Variants in KHDRBS3 observed in about 807,000 individuals in gnomAD.
KHDRBS3 encodes KH domain-containing, RNA-binding, signal transduction-associated protein 3.
KHDRBS3 carries 23 observed loss-of-function variants against 45.6 expected under a neutral mutation model. The ratio of observed to expected loss-of-function variants is 0.50; its 90% CI spans 0.36 to 0.72. KHDRBS3 has a LOEUF of 0.72. Ranked by LOEUF, KHDRBS3 falls within the 30% of genes least tolerant of loss-of-function variation. The pLI, the probability that KHDRBS3 is intolerant of heterozygous loss-of-function variation, is 0.00. For missense variants in KHDRBS3, 352 were observed against 424.8 expected, an observed-to-expected ratio of 0.83 and a Z score of 1.51; for synonymous variants, 162 against 156.5, an observed-to-expected ratio of 1.04 and a Z score of -0.26.
chr8:135,562,207 T>C (rs531489714), intron 5 of KHDRBS3, among the ~76,000 whole-genome samples: 2 of 152,326 alleles, frequency 1.3e-5, no homozygotes, highest in South Asian at 4.1e-4. Flanking sequence ...AAGTGCCCTA[T>C]CTAGGTTTAC....
intron 6 of KHDRBS3, among the ~76,000 whole-genome samples, chr8:135,602,219 C>T (rs1829247654): frequency 6.6e-6 from 1 of 152,190 alleles, no homozygotes; most frequent in Admixed American, 6.5e-5. Flanking sequence ...CACTGATTTG[C>T]AGTCACACTC....
chr8:135,624,528 C>T (rs1017965312), intron 7 of KHDRBS3, among the ~76,000 whole-genome samples: 2 of 152,196 alleles, frequency 1.3e-5, no homozygotes, highest in Non-Finnish European at 2.9e-5. Flanking sequence ...TAAAACACAT[C>T]CTCTGTTATA....
chr8:135,461,346 G>T (rs961738373), intron 1 of KHDRBS3, among the ~76,000 whole-genome samples: 5 of 152,036 alleles, frequency 3.3e-5, no homozygotes, highest in African/African-American at 1.2e-4. Flanking sequence ...CTCGTGATCT[G>T]CCTGCCTCAG....
chr8:135,539,170 G>A (rs919756591), intron 2 of KHDRBS3: 1 of 152,248 alleles, frequency 6.6e-6, no homozygotes, highest in African/African-American at 2.4e-5. Flanking sequence ...TTGCCCCTGA[G>A]TCCCAGTAGT....
At chr8:135,530,844 A>G (rs1178086698) in intron 2 of KHDRBS3, among the ~76,000 whole-genome samples, 1 of 152,160 alleles carries the variant, frequency 6.6e-6, no homozygotes, top group African/African-American at 2.4e-5. Context: ...TTTACTTTCT[A>G]AATTATCATC....
chr8:135,478,067 C>T (rs1822383214), intron 1 of KHDRBS3, among the ~76,000 whole-genome samples: 2 of 152,138 alleles, frequency 1.3e-5, no homozygotes, highest in South Asian at 4.1e-4. Context: ...AGGTTGCATG[C>T]TCCTTATAAG....
chr8:135,649,810 T>C (rs995932380), downstream of KHDRBS3, among the ~76,000 whole-genome samples: 1 of 152,206 alleles, frequency 6.6e-6, no homozygotes, highest in Non-Finnish European at 1.5e-5. Context: ...CAGGAAATAC[T>C]GTACAATTTT....
chr8:135,529,386 A>G (rs1338354172), intron 2 of KHDRBS3, among the ~76,000 whole-genome samples: 1 of 152,218 alleles, frequency 6.6e-6, no homozygotes, highest in Non-Finnish European at 1.5e-5. Context: ...AGCATTTCAG[A>G]TGTATTGTGG....
At chr8:135,602,048 A>G (rs1019503880) in intron 6 of KHDRBS3, among the ~76,000 whole-genome samples, 1 of 151,788 alleles carries the variant, frequency 6.6e-6, no homozygotes, top group Non-Finnish European at 1.5e-5. Context: ...CAGCTCCACT[A>G]CTCTCTCCTT....
intron 1 of KHDRBS3, among the ~76,000 whole-genome samples, chr8:135,501,296 C>T (rs1301710898): frequency 1.3e-5 from 2 of 152,156 alleles, no homozygotes; most frequent in African/African-American, 4.8e-5. Flanking sequence ...CAGTTGGTGA[C>T]CCTTCAGCGT....
intron 3 of KHDRBS3, among the ~76,000 whole-genome samples, chr8:135,547,634 G>A (rs1363659110): frequency 6.6e-6 from 1 of 152,168 alleles, no homozygotes; most frequent in Non-Finnish European, 1.5e-5. Context: ...GTGAAGTCAA[G>A]GGCTATGTGC....
chr8:135,458,782 G>A (rs11782807), intron 1 of KHDRBS3: 2 of 447,002 alleles, frequency 4.5e-6, no homozygotes, highest in African/African-American at 2.0e-5. Flanking sequence ...AGCCAGCTCA[G>A]GGTGTGAAAG....
chr8:135,528,527 G>C (rs1307001762), intron 2 of KHDRBS3, among the ~76,000 whole-genome samples: 1 of 152,110 alleles, frequency 6.6e-6, no homozygotes, highest in African/African-American at 2.4e-5. Flanking sequence ...ATGTGAAAAT[G>C]ATTTTTGATG....
chr8:135,575,036 A>G (rs1351479595), intron 5 of KHDRBS3, among the ~76,000 whole-genome samples: 1 of 152,154 alleles, frequency 6.6e-6, no homozygotes, highest in Non-Finnish European at 1.5e-5. Context: ...TGAGGAATTG[A>G]ATCCTGATCT....
intron 6 of KHDRBS3, among the ~76,000 whole-genome samples, chr8:135,589,306 G>A (rs1828631821): frequency 6.6e-6 from 1 of 152,018 alleles, no homozygotes; most frequent in Non-Finnish European, 1.5e-5. Context: ...ATATGCTACT[G>A]CCCTCCACCT....
Position 135,551,801 on chromosome 8 carries a change from T to G in KHDRBS3, c.471+2901T>G, listed in dbSNP as rs146251042. On this transcript the variant is annotated intron_variant, in intron 4 of 8. Transcript: ENST00000355849. Reference sequence around the variant, plus strand: ...GGATAGAGCTGCCATATGGTATTATTTCTTTTCAGCCTGAAGGTTTTTCTT... The same window carrying G: ...GGATAGAGCTGCCATATGGTATTATGTCTTTTCAGCCTGAAGGTTTTTCTT... Among the ~76,000 whole-genome samples, 240 of 152,304 alleles carry G rather than the reference T, an allele frequency of 1.6e-3. 2 individuals carry two copies. The highest frequency in any genetic ancestry group is 5.5e-3 in the African/African-American group (228 of 41,572).
intron 6 of KHDRBS3, among the ~76,000 whole-genome samples, chr8:135,606,301 T>G (rs1272718676): frequency 6.6e-6 from 1 of 152,180 alleles, no homozygotes; most frequent in East Asian, 1.9e-4. Flanking sequence ...AAGACCTGTT[T>G]TGGACACCTC....
chr8:135,635,376 T>C (rs553586899), intron 7 of KHDRBS3, among the ~76,000 whole-genome samples: 29 of 151,930 alleles, frequency 1.9e-4, no homozygotes, highest in African/African-American at 6.5e-4. Flanking sequence ...TAGTAGTGTT[T>C]GTTTGTTTGT....
intron 1 of KHDRBS3, among the ~76,000 whole-genome samples, chr8:135,495,634 T>C (rs12546813): frequency 0.11 from 16,219 of 152,274 alleles, 959 homozygotes; most frequent in East Asian, 0.18. Context: ...ATTTCACTTA[T>C]CATATTCCAC....
Sources: gnomAD v4.1 joint callset for allele counts (sites outside exome capture counted in the v4.1 genomes callset) on GRCh38, gnomAD v4.1.1 for gene constraint, MANE v1.5 for transcripts, NCBI Gene and HGNC (gene_info 2026-07-23, HGNC 2026-07-21) for gene names.